PMEL: variants seen among roughly 807,000 people sequenced by gnomAD.
The protein encoded by PMEL is premelanosome protein.
PMEL carries 53 observed loss-of-function variants against 64.9 expected under a neutral mutation model. The observed-to-expected ratio is 0.82, with a 90% CI of 0.66 to 1.03. The LOEUF (loss-of-function observed/expected upper bound fraction) is 1.03. Ranked by LOEUF, PMEL falls within the 50% of genes least tolerant of loss-of-function variation. PMEL has a pLI of 0.00. For synonymous variants in PMEL, 299 were observed against 316.2 expected (o/e 0.95, Z 0.58); for missense variants, 716 against 814.9 (o/e 0.88, Z 1.48).
chr12:55,955,750 A>AGTT, intron 8 of PMEL, 29 bp downstream of exon 8: 8 of 1,609,830 alleles, frequency 5.0e-6, no homozygotes, highest in Non-Finnish European at 6.8e-6. Context: ...TCAACCAAAG[A>AGTT]GTTACCAGCA....
chr12:55,957,041 G>C lies in PMEL; in HGVS notation c.1262C>G (p.Thr421Arg), dbSNP rs752631988. Reference sequence around the variant, plus strand: ...TCTAGCTGTGGTCTCCACCCACTCTGTAGTTGTTACCTGTGCAGCTGTGGT... The same window carrying C: ...TCTAGCTGTGGTCTCCACCCACTCTCTAGTTGTTACCTGTGCAGCTGTGGT... ...SGTTAAQVTTTEWVETTAREL... is the reference protein window; with the variant it reads ...SGTTAAQVTTREWVETTAREL... Residue 421 changes from threonine (T) to arginine (R), a missense_variant, in exon 6 of 11, where the codon ACA becomes AGA. By Grantham distance (71) the Thr-to-Arg change is moderately conservative. Coordinates refer to ENST00000548747, the MANE Select transcript of PMEL (RefSeq NM_001384361.1). 239 of 1,614,100 alleles carry C rather than the reference G, an allele frequency of 1.5e-4. No individual in the cohort carries two copies. The highest frequency in any genetic ancestry group is 1.9e-4 in the Non-Finnish European group (223 of 1,180,046).
intron 7 of PMEL, 66 bp downstream of exon 7, chr12:55,956,037 T>C: frequency 8.2e-7 from 1 of 1,216,456 alleles, no homozygotes; most frequent in South Asian, 1.2e-5. Flanking sequence ...CAAGGTGTGC[T>C]TCCACTGACC....
chr12:55,958,677 G>C, intron 3 of PMEL, 70 bp from the exon 4 acceptor site: 1 of 1,504,382 alleles, frequency 6.6e-7, no homozygotes, highest in Non-Finnish European at 9.1e-7. Context: ...CCCTAAAATT[G>C]CTCCCAGGGT....
chr12:55,966,169 C>T (rs1889293473), upstream of PMEL: 2 of 1,128,664 alleles, frequency 1.8e-6, no homozygotes, highest in Non-Finnish European at 2.5e-6. Flanking sequence ...CAAAGGGATC[C>T]TGGTCCCTAG....
In PMEL at chr12:55,963,361, C is replaced by T. The variant is rs536723391; in HGVS notation, c.77-1629G>A. Among the ~76,000 whole-genome samples, 13 of 152,284 alleles carry T rather than the reference C, an allele frequency of 8.5e-5. No individual in the cohort carries two copies. In the South Asian group the frequency reaches 2.7e-3, roughly 32 times the overall value. Reference sequence around the variant, plus strand: ...CATCTGCCCCACCCAGGTCCAACAACTATCAACACCTTGCCACATTTGCTT... The same window carrying T: ...CATCTGCCCCACCCAGGTCCAACAATTATCAACACCTTGCCACATTTGCTT... On this transcript the variant is annotated intron_variant, in intron 1 of 10. Transcript: ENST00000548747.
At chr12:55,964,731 T>C (rs903101808) in intron 1 of PMEL, among the ~76,000 whole-genome samples, 1 of 151,930 alleles carries the variant, frequency 6.6e-6, no homozygotes, top group Non-Finnish European at 1.5e-5. Context: ...GTTCAAGCGA[T>C]TCTCATGCCT....
intron 1 of PMEL, among the ~76,000 whole-genome samples, chr12:55,962,063 C>T (rs1592773613): frequency 1.3e-5 from 2 of 152,052 alleles, no homozygotes; most frequent in African/African-American, 2.4e-5. Context: ...CTCGAACTCC[C>T]GACCTTAGGT....
chr12:55,960,537 GTTTTTTTTTT>G (rs760692409), intron 3 of PMEL, among the ~76,000 whole-genome samples: 2 of 97,296 alleles, frequency 2.1e-5, no homozygotes, highest in African/African-American at 4.5e-5. Context: ...TTTGCTTTCT[GTTTTTTTTTT>G]TTTTTTTTTT....
In PMEL at chr12:55,956,200, CAGCAGGG is replaced by C; in HGVS notation, c.1367_1373del (p.Pro456ArgfsTer7). On this transcript the variant is annotated frameshift_variant, in exon 7 of 11. Transcript: ENST00000548747. LOFTEE classifies it high-confidence loss of function. ...CCAGCCTTAAGGTGGCTGTACCATC[CAGCAGGG>C]GGCCCAGGGAACCTGGCAGGAGAGG... 1 of 1,613,268 alleles carries C rather than the reference CAGCAGGG, an allele frequency of 6.2e-7. No individual in the cohort carries two copies. The highest frequency in any genetic ancestry group is 8.5e-7 in the Non-Finnish European group (1 of 1,179,254).
At chr12:55,960,535 C>CTGTTTTTTTT (rs1889061027) in intron 3 of PMEL, among the ~76,000 whole-genome samples, 1 of 122,944 alleles carries the variant, frequency 8.1e-6, no homozygotes, top group African/African-American at 3.6e-5. Context: ...TTTTTGCTTT[C>CTGTTTTTTTT]TGTTTTTTTT....
chr12:55,961,089 C>T (rs551189618), intron 3 of PMEL: 1 of 428,788 alleles, frequency 2.3e-6, no homozygotes, highest in African/African-American at 2.0e-5. Flanking sequence ...CCTGTAGTCC[C>T]AGCTACTCGG....
At chr12:55,963,665 C>A (rs1889184685) in intron 1 of PMEL, among the ~76,000 whole-genome samples, 1 of 152,192 alleles carries the variant, frequency 6.6e-6, no homozygotes, top group Non-Finnish European at 1.5e-5. Context: ...TGTGAACAGA[C>A]TCTTTCCAGG....
rs1169098228 is a variant in PMEL at position 55,961,355 on chromosome 12, T to C, written c.296A>G (p.Asp99Gly). ...NFPGSQKVLP[D>G]GQVIWVNNTI... ...ATTGTTGACCCAGATAACCTGCCCA[T>C]CTGGCAATACCTTTTGGCTTCCAGG... Residue 99 changes from aspartate (D) to glycine (G), a missense_variant, in exon 3 of 11, where the codon GAT becomes GGT. Transcript: ENST00000548747. The C allele has an allele frequency of 1.2e-6, 2 of 1,614,022 alleles. No homozygotes were observed. The highest frequency in any genetic ancestry group is 2.7e-5 in the African/African-American group (2 of 74,922).
At chr12:55,957,851 C>G in intron 5 of PMEL, 72 bp downstream of exon 5, 1 of 1,579,210 alleles carries the variant, frequency 6.3e-7, no homozygotes, top group Non-Finnish European at 8.6e-7. Context: ...CACCTTTCTC[C>G]TTTCCAGTCC....
At chr12:55,966,345 A>T, upstream of PMEL, 1 of 310,824 alleles carries the variant, frequency 3.2e-6, no homozygotes, top group Non-Finnish European at 6.0e-6. Flanking sequence ...ACTTCTCAAA[A>T]AGACAGAAAC....
chr12:55,962,898 C>G (rs1382422027), intron 1 of PMEL, among the ~76,000 whole-genome samples: 1 of 151,704 alleles, frequency 6.6e-6, no homozygotes, highest in Non-Finnish European at 1.5e-5. Flanking sequence ...CATGGTGGCT[C>G]ACATCTGTAA....
At position 55,955,863 on chromosome 12, in the gene PMEL, T is replaced by A. The variant is rs1888863055; in HGVS notation, c.1472A>T (p.Gln491Leu). ...GSFSVTLDIV[Q>L]GIESAEILQA... ...CAGGATCTCGGCACTTTCAATACCCTCTGCAGAGTTGCAAGCTTATCAAAT... is the reference window on the plus strand; with the variant it reads ...CAGGATCTCGGCACTTTCAATACCCACTGCAGAGTTGCAAGCTTATCAAAT... Residue 491 changes from glutamine to leucine, a missense_variant and splice_region_variant, in exon 8 of 11, where the codon CAG becomes CTG. Transcript: ENST00000548747. 1.2e-6 allele frequency: 2 copies of A among 1,613,334 alleles called. No individual in the cohort carries two copies. The highest frequency in any genetic ancestry group is 1.7e-6 in the Non-Finnish European group (2 of 1,179,336).
intron 1 of PMEL, among the ~76,000 whole-genome samples, chr12:55,962,050 G>T (rs1889121386): frequency 6.6e-6 from 1 of 151,884 alleles, no homozygotes; most frequent in South Asian, 2.1e-4. Context: ...TGGTTGGTCT[G>T]GTCTCGAACT....
chr12:55,966,427 C>T, upstream of PMEL: 1 of 188,912 alleles, frequency 5.3e-6, no homozygotes, highest in South Asian at 1.1e-4. Context: ...TCCTCTGAGG[C>T]CCAGGATTCC....
Sources: gnomAD v4.1 joint callset for allele counts (sites outside exome capture counted in the v4.1 genomes callset) on GRCh38, gnomAD v4.1.1 for gene constraint, MANE v1.5 for transcripts, NCBI Gene and HGNC (gene_info 2026-07-23, HGNC 2026-07-21) for gene names.